The following GAL3ST2 variants were observed in gnomAD, a reference collection of about 807,000 sequenced individuals.
The protein encoded by GAL3ST2 is beta-galactose-3-O-sulfotransferase 2.
A neutral mutation model predicts 12.9 loss-of-function variants in GAL3ST2; 16 were observed. The ratio of observed to expected loss-of-function variants is 1.24; its 90% CI spans 0.84 to 1.88. GAL3ST2 has a LOEUF of 1.88. Ranked by LOEUF, GAL3ST2 falls within the 40% of genes most tolerant of loss-of-function variation. The probability of loss-of-function intolerance (pLI) is 0.00; values close to 1 mark genes in which losing one functional copy is unlikely to be tolerated. For missense variants in GAL3ST2, 639 were observed against 571.8 expected (o/e 1.12, Z -1.20); for synonymous variants, 302 against 273.9 (o/e 1.10, Z -1.01).
Position 241,793,683 on chromosome 2 carries a change from A to G in GAL3ST2, c.30-5382A>G, listed in dbSNP as rs1575365169. Among the ~76,000 whole-genome samples, 3 of 149,650 alleles carry G rather than the reference A, an allele frequency of 2.0e-5. No individual in the cohort carries two copies. The highest frequency in any genetic ancestry group is 4.2e-4 in the South Asian group (2 of 4,716). ...ATGTGTGTGTATGCACATATTGTGT[A>G]TGTGTGTGTATATGTGTATGTACGT... is the stretch of plus-strand genomic sequence containing the variant. On this transcript the variant is annotated intron_variant, in intron 1 of 3. Transcript: ENST00000192314. This position sits in a 1 kb window ranked among gnomAD's most constrained non-coding sequence, Gnocchi z 4.7.
At chr2:241,797,152 C>G (rs1387162312) in intron 1 of GAL3ST2, among the ~76,000 whole-genome samples, 1 of 152,250 alleles carries the variant, frequency 6.6e-6, no homozygotes, top group Non-Finnish European at 1.5e-5. Context: ...AGCTGCCGCG[C>G]CTGGCCTGAA....
At chr2:241,783,185 C>T (rs796951914) in intron 1 of GAL3ST2, among the ~76,000 whole-genome samples, 2 of 149,524 alleles carry the variant, frequency 1.3e-5, no homozygotes, top group Non-Finnish European at 3.0e-5. Flanking sequence ...AATTTTTTTT[C>T]CTAAGGAAAC....
chr2:241,796,483 G>GT (rs1553616503), intron 1 of GAL3ST2, among the ~76,000 whole-genome samples: 1 of 147,228 alleles, frequency 6.8e-6, no homozygotes, highest in Non-Finnish European at 1.5e-5. Flanking sequence ...TGGTCGTCAC[G>GT]TATCAGGGCT....
At position 241,799,119 on chromosome 2, in the gene GAL3ST2, C is replaced by T. The variant is rs376854402; in HGVS notation, c.84C>T (p.Ala28=). ...LLLALTLLLL[A]GFLHSDLELD... ...TGGCCCTGACTCTGCTCCTGCTGGC[C>T]GGATTCCTGCACTCGGACTTAGAGC... Residue 28 remains alanine, a synonymous_variant, in exon 2 of 4, where the codon GCC becomes GCT. Transcript: ENST00000192314. The T allele has an allele frequency of 1.5e-5, 25 of 1,613,674 alleles. No homozygotes were observed. The highest frequency in any genetic ancestry group is 1.6e-4 in the Middle Eastern group (1 of 6,084).
intron 1 of GAL3ST2, among the ~76,000 whole-genome samples, chr2:241,785,342 A>G (rs944788142): frequency 1.3e-5 from 2 of 152,128 alleles, no homozygotes; most frequent in Non-Finnish European, 2.9e-5. Context: ...ACCTGAGGTT[A>G]GGAGTTCGAG....
At chr2:241,779,178 T>C (rs1699532248) in intron 1 of GAL3ST2, among the ~76,000 whole-genome samples, 1 of 151,430 alleles carries the variant, frequency 6.6e-6, no homozygotes, top group Admixed American at 6.6e-5. Context: ...ATAGTTTATT[T>C]CTAGACGGGC....
At chr2:241,779,756 C>T (rs141892405) in intron 1 of GAL3ST2, among the ~76,000 whole-genome samples, 13 of 150,862 alleles carry the variant, frequency 8.6e-5, no homozygotes, top group East Asian at 4.0e-4. Context: ...GAGGCCGAGG[C>T]GGGCGGATCA....
chr2:241,789,787 G>A (rs1699673945), intron 1 of GAL3ST2, among the ~76,000 whole-genome samples: 2 of 152,172 alleles, frequency 1.3e-5, no homozygotes, highest in South Asian at 4.1e-4. Flanking sequence ...TGGAACCCGG[G>A]AGGCAGAGGT....
chr2:241,802,979 C>T lies in GAL3ST2; in HGVS notation c.376-366C>T, dbSNP rs934405155. On this transcript the variant is annotated intron_variant, in intron 3 of 3. Coordinates refer to ENST00000192314, the MANE Select transcript of GAL3ST2 (RefSeq NM_022134.3). The surrounding 1 kb of genome is among the most constrained non-coding windows in gnomAD (Gnocchi z 4.8). Reference sequence around the variant, plus strand: ...TGCCAGGGGCCCGTGGAGGGCCCTTCGTGCTGTCTGTGCGCCACAGCATCC... The same window carrying T: ...TGCCAGGGGCCCGTGGAGGGCCCTTTGTGCTGTCTGTGCGCCACAGCATCC... Among the ~76,000 whole-genome samples, 26 of 151,992 alleles carry T rather than the reference C, an allele frequency of 1.7e-4. 1 individual carries two copies. Among genetic ancestry groups the T allele is most frequent in the African/African-American group, 6.0e-4 (25 of 41,364 alleles).
rs1227383067 is a variant in GAL3ST2 at position 241,802,980 on chromosome 2, G to A, written c.376-365G>A. The stretch of plus-strand genomic sequence containing the variant: ...GCCAGGGGCCCGTGGAGGGCCCTTC[G>A]TGCTGTCTGTGCGCCACAGCATCCC... On this transcript the variant is annotated intron_variant, in intron 3 of 3. Transcript: ENST00000192314. This position sits in a 1 kb window ranked among gnomAD's most constrained non-coding sequence, Gnocchi z 4.8. Among the ~76,000 whole-genome samples the A allele has an allele frequency of 6.6e-6, 1 of 151,886 alleles. No homozygotes were observed. The highest frequency in any genetic ancestry group is 2.4e-5 in the African/African-American group (1 of 41,340).
chr2:241,788,298 G>A (rs1434016661), intron 1 of GAL3ST2, among the ~76,000 whole-genome samples: 1 of 152,166 alleles, frequency 6.6e-6, no homozygotes, highest in East Asian at 1.9e-4. Flanking sequence ...CACTGTGAGA[G>A]GATTTGACCT....
In GAL3ST2 at chr2:241,803,534, G is replaced by A. The variant is rs769648241; in HGVS notation, c.565G>A (p.Ala189Thr). 30 of 1,609,868 alleles carry A rather than the reference G, an allele frequency of 1.9e-5. No homozygotes were observed. The highest frequency in any genetic ancestry group is 2.5e-5 in the Non-Finnish European group (29 of 1,178,500). ...NDSRHLRNVY[A>T]KNNMWFDFGF... ...CAGCCGCCACCTCAGGAACGTCTACGCCAAGAACAACATGTGGTTCGACTT... is the reference window on the plus strand; with the variant it reads ...CAGCCGCCACCTCAGGAACGTCTACACCAAGAACAACATGTGGTTCGACTT... The change falls in exon 4 of 4, where the codon GCC (alanine) becomes ACC (threonine). Residue 189 changes from alanine (A) to threonine (T), a missense_variant. Coordinates refer to ENST00000192314, the MANE Select transcript of GAL3ST2 (RefSeq NM_022134.3).
intron 1 of GAL3ST2, among the ~76,000 whole-genome samples, chr2:241,796,039 C>T (rs1699768811): frequency 6.6e-6 from 1 of 152,186 alleles, no homozygotes; most frequent in Admixed American, 6.5e-5. Flanking sequence ...GCCGCGTGTG[C>T]CGTGAGGATG....
At chr2:241,783,684 TA>T (rs1699592486) in intron 1 of GAL3ST2, among the ~76,000 whole-genome samples, 1 of 151,956 alleles carries the variant, frequency 6.6e-6, no homozygotes, top group Non-Finnish European at 1.5e-5. Context: ...TATTTTATTT[TA>T]ATCATTTACT....
In GAL3ST2 at chr2:241,789,421, C is replaced by T. The variant is rs141598791; in HGVS notation, c.30-9644C>T. On this transcript the variant is annotated intron_variant, in intron 1 of 3. Transcript: ENST00000192314. ...CCTCTAGCTCACCAGACTTTCTCTT[C>T]GTACCTTACTATGTAAATTTTGCTA... is the stretch of plus-strand genomic sequence containing the variant. 2.2e-3 allele frequency among the ~76,000 whole-genome samples: 339 copies of T among 152,312 alleles called. 15 individuals carry two copies. In the East Asian group the frequency reaches 0.048, roughly 22 times the overall value.
In GAL3ST2 at chr2:241,793,722, G is replaced by A. The variant is rs1052627807; in HGVS notation, c.30-5343G>A. ...GTGTATGTACGTATTGTGTATGCAT[G>A]TGTGTATGTGTGTATATGTATGTGT... On this transcript the variant is annotated intron_variant, in intron 1 of 3. Transcript: ENST00000192314. This position sits in a 1 kb window ranked among gnomAD's most constrained non-coding sequence, Gnocchi z 4.7. Among the ~76,000 whole-genome samples the A allele has an allele frequency of 1.1e-4, 17 of 151,536 alleles. No homozygotes were observed. Among genetic ancestry groups the A allele is most frequent in the African/African-American group, 4.1e-4 (17 of 41,254 alleles).
Position 241,793,533 on chromosome 2 carries a change from ATATGTATG to A in GAL3ST2, c.30-5530_30-5523del, listed in dbSNP as rs148395639. 6.6e-6 allele frequency among the ~76,000 whole-genome samples: 1 copy of A among 150,724 alleles called. No homozygotes were observed. Among genetic ancestry groups the A allele is most frequent in the South Asian group, 2.1e-4 (1 of 4,814 alleles). On this transcript the variant is annotated intron_variant, in intron 1 of 3. Coordinates refer to ENST00000192314, the MANE Select transcript of GAL3ST2 (RefSeq NM_022134.3). The surrounding 1 kb of genome is among the most constrained non-coding windows in gnomAD (Gnocchi z 4.7). ...GTATATGTATGTGTGTATTGTGTTTATATGTATGTGTGTATATGTATGTATGTGTATAT... is the reference window on the plus strand; with the variant it reads ...GTATATGTATGTGTGTATTGTGTTTATGTGTATATGTATGTATGTGTATAT...
rs949803517 is a variant in GAL3ST2, at chr2:241,800,300, G to A, written c.119+1146G>A. Among the ~76,000 whole-genome samples, 1 of 150,482 alleles carries A rather than the reference G, an allele frequency of 6.6e-6. No individual in the cohort carries two copies. The highest frequency in any genetic ancestry group is 1.5e-5 in the Non-Finnish European group (1 of 67,586). On this transcript the variant is annotated intron_variant, in intron 2 of 3. Coordinates refer to ENST00000192314, the MANE Select transcript of GAL3ST2 (RefSeq NM_022134.3). The surrounding 1 kb of genome is among the most constrained non-coding windows in gnomAD (Gnocchi z 5.2). ...AGTGTGGACATCCCACAGGCTGGGA[G>A]CACAGCCGCCGACCCAGGCTGGGAG...
intron 1 of GAL3ST2, among the ~76,000 whole-genome samples, chr2:241,796,110 C>T (rs773749899): frequency 6.6e-6 from 1 of 152,198 alleles, no homozygotes; most frequent in East Asian, 1.9e-4. Context: ...GAGACCCACA[C>T]CCTTGGTGTG....
Sources: allele counts gnomAD v4.1 joint callset (sites outside exome capture counted in the v4.1 genomes callset), GRCh38; gene constraint gnomAD v4.1.1; non-coding constraint Gnocchi (gnomAD v3.1); transcripts MANE v1.5; gene names NCBI Gene and HGNC (gene_info 2026-07-23, HGNC 2026-07-21).